The following PMFBP1 variants were observed in gnomAD, a reference collection of about 807,000 sequenced individuals.
PMFBP1 encodes the protein polyamine-modulated factor 1-binding protein 1.
PMFBP1 carries 131 observed loss-of-function variants against 137.8 expected under a neutral mutation model. The ratio of observed to expected loss-of-function variants is 0.95; its 90% CI spans 0.82 to 1.10. PMFBP1 has a LOEUF of 1.10. Among genes scored for constraint, PMFBP1 ranks in the 50% least tolerant of loss-of-function variants. The pLI is 0.00. For missense variants in PMFBP1, 1,199 were observed against 1,175.4 expected, an observed-to-expected ratio of 1.02 and a Z score of -0.29; for synonymous variants, 490 against 450.4, an observed-to-expected ratio of 1.09 and a Z score of -1.11.
At chr16:72,228,879 G>A in the PMFBP1 span, among the ~76,000 whole-genome samples, 94 of 148,462 alleles carry the variant, frequency 6.3e-4, no homozygotes, top group Admixed American at 1.0e-3. Context: ...TTTTAGGTTC[G>A]GGGGTACATG....
chr16:72,166,778 A>G (rs1397087637), intron 2 of PMFBP1, among the ~76,000 whole-genome samples: 1 of 152,244 alleles, frequency 6.6e-6, no homozygotes, highest in African/African-American at 2.4e-5. Flanking sequence ...GTCAATGGCC[A>G]ATGGCCATCC....
At chr16:72,232,323 C>T in the PMFBP1 span, among the ~76,000 whole-genome samples, 1 of 152,166 alleles carries the variant, frequency 6.6e-6, no homozygotes, top group Admixed American at 6.5e-5. Context: ...ATGCAGGCTT[C>T]TTGCTGTCCT....
At chr16:72,181,981 A>G in the PMFBP1 span, among the ~76,000 whole-genome samples, 1 of 152,248 alleles carries the variant, frequency 6.6e-6, no homozygotes, top group Non-Finnish European at 1.5e-5. Context: ...AAAAAATAAA[A>G]AATAAATCAC....
intron 9 of PMFBP1, among the ~76,000 whole-genome samples, chr16:72,135,145 A>T (rs890860206): frequency 6.6e-6 from 1 of 152,086 alleles, no homozygotes; most frequent in Admixed American, 6.6e-5. Flanking sequence ...GGTTTTCATG[A>T]CCAGCCAGTC....
intron 3 of PMFBP1, among the ~76,000 whole-genome samples, chr16:72,164,214 A>G (rs2043108085): frequency 6.6e-6 from 1 of 152,284 alleles, no homozygotes; most frequent in South Asian, 2.1e-4. Context: ...CCATCTCCCC[A>G]TCTGACATTG....
chr16:72,239,401 C>T, the PMFBP1 span, among the ~76,000 whole-genome samples: 1 of 152,168 alleles, frequency 6.6e-6, no homozygotes, highest in Non-Finnish European at 1.5e-5. Flanking sequence ...TTGATCCATT[C>T]CTTTATCTAC....
the PMFBP1 span, among the ~76,000 whole-genome samples, chr16:72,194,858 A>T: frequency 6.6e-6 from 1 of 152,200 alleles, no homozygotes; most frequent in Non-Finnish European, 1.5e-5. Flanking sequence ...ATCCATGCTT[A>T]ATAAAGGCTG....
intron 3 of PMFBP1, 71 bp from the exon 4 acceptor site, chr16:72,154,530 T>A: frequency 6.6e-7 from 1 of 1,521,118 alleles, no homozygotes; most frequent in Non-Finnish European, 8.9e-7. Flanking sequence ...CCAGGATTTT[T>A]TTTTCATTTG....
chr16:72,198,524 C>T, the PMFBP1 span, among the ~76,000 whole-genome samples: 11 of 152,264 alleles, frequency 7.2e-5, no homozygotes, highest in South Asian at 2.1e-3. Flanking sequence ...GGGAGAGCTG[C>T]CCTCCTCCTT....
the PMFBP1 span, among the ~76,000 whole-genome samples, chr16:72,226,154 T>C: frequency 6.6e-6 from 1 of 152,200 alleles, no homozygotes; most frequent in Non-Finnish European, 1.5e-5. Context: ...TACGCTTTGT[T>C]ATCCAATCCA....
At chr16:72,219,501 G>C in the PMFBP1 span, among the ~76,000 whole-genome samples, 25 of 152,232 alleles carry the variant, frequency 1.6e-4, no homozygotes, top group Non-Finnish European at 2.9e-4. Context: ...GTGAGGATGG[G>C]GCCCGGCAGA....
In PMFBP1 at chr16:72,129,183, C is replaced by A. The variant is rs1196846318; in HGVS notation, c.1833G>T (p.Glu611Asp). The A allele has an allele frequency of 1.2e-6, 2 of 1,614,088 alleles. No homozygotes were observed. The highest frequency in any genetic ancestry group is 1.7e-6 in the Non-Finnish European group (2 of 1,180,056). Residue 611 changes from glutamate (E) to aspartate (D), a missense_variant, in exon 13 of 21, where the codon GAG becomes GAT. Physicochemically the swap from Glu to Asp is conservative, Grantham distance 45. Transcript: ENST00000237353. ...IKCKLEEDLQ[E>D]ATKLLEDKRE... ...GTTTGTCCTCCAGAAGCTTTGTGGCCTCCTGAAGATCTTCTTCTAACTTGC... is the reference window on the plus strand; with the variant it reads ...GTTTGTCCTCCAGAAGCTTTGTGGCATCCTGAAGATCTTCTTCTAACTTGC...
intron 14 of PMFBP1, chr16:72,128,390 G>A: frequency 7.1e-7 from 1 of 1,404,192 alleles, no homozygotes; most frequent in East Asian, 2.9e-5. Flanking sequence ...GGTCTAAAAT[G>A]TAACATTGGA....
intron 3 of PMFBP1, among the ~76,000 whole-genome samples, chr16:72,159,113 G>T (rs186191180): frequency 6.8e-4 from 104 of 152,270 alleles, no homozygotes; most frequent in African/African-American, 2.4e-3. Context: ...TTCATTCTTT[G>T]CTTCTCTTTG....
chr16:72,164,960 G>A, intron 2 of PMFBP1, 44 bp from the exon 3 acceptor site: 5 of 1,528,398 alleles, frequency 3.3e-6, no homozygotes, highest in Non-Finnish European at 4.4e-6. Flanking sequence ...AAACTATCAA[G>A]AAAGTGCTGC....
At chr16:72,225,732 T>TAAAAA in the PMFBP1 span, among the ~76,000 whole-genome samples, 1 of 147,568 alleles carries the variant, frequency 6.8e-6, no homozygotes, top group South Asian at 2.1e-4. Flanking sequence ...ATAATAATAA[T>TAAAAA]AATAATAATA....
At chr16:72,130,070 G>C in intron 12 of PMFBP1, 143 bp downstream of exon 12, 1 of 1,050,818 alleles carries the variant, frequency 9.5e-7, no homozygotes, top group Non-Finnish European at 1.4e-6. Flanking sequence ...GCCTAGGCTG[G>C]TCTGGAACCC....
intron 9 of PMFBP1, 38 bp downstream of exon 9, chr16:72,136,410 G>C: frequency 6.2e-7 from 1 of 1,601,322 alleles, no homozygotes; most frequent in Non-Finnish European, 8.5e-7. Flanking sequence ...CCTCACACCT[G>C]CCCCATTGGG....
In PMFBP1 at chr16:72,150,726, G is replaced by A. The variant is rs1029352498; in HGVS notation, c.518C>T (p.Ser173Phe). ...QLALAGDKIA[S>F]LERSLNLYRD... ...GTAGAGGTTTAAGCTCCTCTCTAGA[G>A]AGGCGATCTTGTCCCCGGCCAAGGC... Residue 173 changes from serine to phenylalanine, a missense_variant, in exon 5 of 21, where the codon TCT becomes TTT. Transcript: ENST00000237353. 6.2e-7 allele frequency: 1 copy of A among 1,614,200 alleles called. No individual in the cohort carries two copies. Among genetic ancestry groups the A allele is most frequent in the Middle Eastern group, 1.6e-4 (1 of 6,062 alleles).
Sources: allele counts gnomAD v4.1 joint callset (sites outside exome capture counted in the v4.1 genomes callset), GRCh38; gene constraint gnomAD v4.1.1; transcripts MANE v1.5; gene names NCBI Gene and HGNC (gene_info 2026-07-23, HGNC 2026-07-21).